INSIG2: variants seen among roughly 807,000 people sequenced by gnomAD.
The protein encoded by INSIG2 is insulin-induced gene 2 protein.
INSIG2 carries 10 observed loss-of-function variants against 27.2 expected under a neutral mutation model. The ratio of observed to expected loss-of-function variants is 0.37; its 90% CI spans 0.23 to 0.62. The LOEUF is 0.62. Ranked by LOEUF, INSIG2 falls within the 20% of genes least tolerant of loss-of-function variation. INSIG2 has a pLI of 0.65. For synonymous variants in INSIG2, 97 were observed against 95.8 expected, an observed-to-expected ratio of 1.01 and a Z score of -0.07; for missense variants, 178 against 270.2, an observed-to-expected ratio of 0.66 and a Z score of 2.39.
intron 2 of INSIG2, 87 bp from the exon 3 acceptor site, chr2:118,103,110 C>A: frequency 9.0e-6 from 8 of 886,724 alleles, no homozygotes; most frequent in African/African-American, 1.8e-5. Flanking sequence ...CTTTAAAATG[C>A]TTGTGGTGGT....
In INSIG2 at chr2:118,108,449, T is replaced by C; in HGVS notation, c.*127T>C. ...GTTTTCCCCTTGATTGGCGTGTGTG[T>C]ATATATGGATAAATATATATATACA... is the stretch of plus-strand genomic sequence containing the variant. On this transcript the variant is annotated 3_prime_UTR_variant, in exon 6 of 6. Transcript: ENST00000245787. 1.6e-6 allele frequency: 1 copy of C among 625,096 alleles called. No individual in the cohort carries two copies. The highest frequency in any genetic ancestry group is 2.9e-6 in the Non-Finnish European group (1 of 349,890). 38.7% of individuals were successfully genotyped at this position (625,096 alleles called of 1,614,324 possible).
chr2:118,098,112 T>C (rs1040601097), intron 2 of INSIG2, among the ~76,000 whole-genome samples: 1 of 152,230 alleles, frequency 6.6e-6, no homozygotes, highest in African/African-American at 2.4e-5. Flanking sequence ...CTCTGCTGTA[T>C]GTACTGGTCC....
At chr2:118,106,686 T>G in intron 3 of INSIG2, 51 bp from the exon 4 acceptor site, 172 of 1,455,034 alleles carry the variant, frequency 1.2e-4, no homozygotes, top group Non-Finnish European at 1.5e-4. Flanking sequence ...AATGAACAGA[T>G]GATATTATTT....
At chr2:118,100,373 CTTTTTTTTTTTTT>C (rs70949913) in intron 2 of INSIG2, among the ~76,000 whole-genome samples, 3 of 81,502 alleles carry the variant, frequency 3.7e-5, no homozygotes, top group Admixed American at 1.8e-4. Flanking sequence ...ACTCTTTTGC[CTTTTTTTTTTTTT>C]TTTTTTTTTT....
Position 118,096,624 on chromosome 2 carries a change from G to C in INSIG2, c.68G>C (p.Ser23Thr). The change falls in exon 2 of 6, where the codon AGC becomes ACC. Residue 23 changes from serine (S) to threonine (T), a missense_variant. Transcript: ENST00000245787. ...KCGPYISSVT[S>T]QSVNLMIRGV... ...GGCCCATATATTTCATCTGTCACTA[G>C]CCAGAGTGTGAACTTGATGATTCGA... 6.2e-7 allele frequency: 1 copy of C among 1,613,952 alleles called. No individual in the cohort carries two copies. The highest frequency in any genetic ancestry group is 1.3e-5 in the African/African-American group (1 of 74,966).
intron 1 of INSIG2, among the ~76,000 whole-genome samples, chr2:118,093,872 G>T (rs1224850886): frequency 3.1e-5 from 3 of 96,986 alleles, no homozygotes; most frequent in Admixed American, 9.8e-5. Flanking sequence ...ATGAGGAGGA[G>T]GAGGAGGAGG....
In INSIG2 at chr2:118,103,151, A is replaced by C. The variant is rs746150663; in HGVS notation, c.245-46A>C. On this transcript the variant is annotated intron_variant, in intron 2 of 5. Transcript: ENST00000245787. ...TGATTCTTTTAGCTTAAGTGTTGCC[A>C]GTACAACATTGGAGGTAACTTAATT... The C allele has an allele frequency of 3.8e-6, 6 of 1,570,672 alleles. No homozygotes were observed. In the African/African-American group the frequency reaches 6.8e-5, roughly 18 times the overall value.
chr2:118,100,613 C>T (rs1678521177), intron 2 of INSIG2, among the ~76,000 whole-genome samples: 1 of 151,972 alleles, frequency 6.6e-6, no homozygotes, highest in African/African-American at 2.4e-5. Context: ...CTCCTGACCT[C>T]GCGATTCGCC....
At chr2:118,090,308 G>A (rs756329525) in intron 1 of INSIG2, among the ~76,000 whole-genome samples, 1 of 152,108 alleles carries the variant, frequency 6.6e-6, no homozygotes, top group South Asian at 2.1e-4. Context: ...TTGGTTTTAG[G>A]GGGTGTTGCA....
At chr2:118,089,841 A>G (rs775098106) in intron 1 of INSIG2, among the ~76,000 whole-genome samples, 4 of 152,264 alleles carry the variant, frequency 2.6e-5, no homozygotes, top group Non-Finnish European at 4.4e-5. Context: ...CTTTGTTCTC[A>G]GAAACTTATC....
At chr2:118,098,779 T>G (rs1426454512) in intron 2 of INSIG2, among the ~76,000 whole-genome samples, 1 of 152,218 alleles carries the variant, frequency 6.6e-6, no homozygotes, top group Non-Finnish European at 1.5e-5. Context: ...AGCCACTACT[T>G]TCCTTCCTGT....
In INSIG2 at chr2:118,108,335, A is replaced by G; in HGVS notation, c.*13A>G. The stretch of plus-strand genomic sequence containing the variant: ...TCATCAGGAATGAAGAAGGCAAAAA[A>G]TATCTTTTGTACAGAAAAGCAAGAT... On this transcript the variant is annotated 3_prime_UTR_variant, in exon 6 of 6. Coordinates refer to ENST00000245787, the MANE Select transcript of INSIG2 (RefSeq NM_016133.4). 1 of 1,588,400 alleles carries G rather than the reference A, an allele frequency of 6.3e-7. No individual in the cohort carries two copies. Among genetic ancestry groups the G allele is most frequent in the East Asian group, 2.3e-5 (1 of 44,226 alleles).
intron 2 of INSIG2, among the ~76,000 whole-genome samples, chr2:118,097,563 G>A (rs1160618441): frequency 1.3e-5 from 2 of 152,170 alleles, no homozygotes; most frequent in Non-Finnish European, 2.9e-5. Flanking sequence ...TGGGCAGTGT[G>A]TAATGCATAG....
chr2:118,108,129 A>G, intron 5 of INSIG2, 152 bp from the exon 6 acceptor site: 2 of 537,958 alleles, frequency 3.7e-6, no homozygotes, highest in Non-Finnish European at 6.6e-6. Context: ...TTGTCATTTA[A>G]TCATAGTAAT....
chr2:118,092,946 TGAGGAG>T (rs1200287010), intron 1 of INSIG2, among the ~76,000 whole-genome samples: 5 of 140,350 alleles, frequency 3.6e-5, no homozygotes, highest in South Asian at 2.2e-4. Flanking sequence ...ATGATGATGA[TGAGGAG>T]GAGGAGGAGG....
rs1678787947 is a variant in INSIG2 at position 118,110,508 on chromosome 2, C to G, written c.*2186C>G. On this transcript the variant is annotated 3_prime_UTR_variant, in exon 6 of 6. Coordinates refer to ENST00000245787, the MANE Select transcript of INSIG2 (RefSeq NM_016133.4). ...AAGAAGATGTGCATTATTAGTGGGC[C>G]CACACAGCTGAAAACCATGCTGTTC... The G allele has an allele frequency of 6.6e-6, 1 of 151,822 alleles. No individual in the cohort carries two copies. The highest frequency in any genetic ancestry group is 2.1e-4 in the South Asian group (1 of 4,804). The allele number at this position is 151,822 out of a possible 1,614,324, so 9.4% of individuals were successfully genotyped here.
intron 5 of INSIG2, among the ~76,000 whole-genome samples, chr2:118,107,390 A>T (rs999585228): frequency 2.0e-5 from 3 of 152,200 alleles, no homozygotes; most frequent in Non-Finnish European, 2.9e-5. Flanking sequence ...AAAAACTCAA[A>T]ATGTGTTATG....
chr2:118,106,365 C>T (rs186931301), intron 3 of INSIG2, among the ~76,000 whole-genome samples: 17 of 152,248 alleles, frequency 1.1e-4, no homozygotes, highest in African/African-American at 3.9e-4. Flanking sequence ...AAAGTGTGTT[C>T]CTTTAGTGAT....
At chr2:118,103,090 T>C (rs1183696205) in intron 2 of INSIG2, 107 bp from the exon 3 acceptor site, 1 of 1,020,256 alleles carries the variant, frequency 9.8e-7, no homozygotes, top group African/African-American at 1.6e-5. Context: ...GTTTTTTTTT[T>C]TTTAAGAATC....
Sources: allele counts gnomAD v4.1 joint callset (sites outside exome capture counted in the v4.1 genomes callset), GRCh38; gene constraint gnomAD v4.1.1; transcripts MANE v1.5; gene names NCBI Gene and HGNC (gene_info 2026-07-23, HGNC 2026-07-21).